The following KCNT2 variants were observed in gnomAD, a reference collection of about 807,000 sequenced individuals.
KCNT2 encodes the protein potassium sodium-activated channel subfamily T member 2.
A neutral mutation model predicts 153.8 loss-of-function variants in KCNT2; 67 were observed. The observed-to-expected ratio is 0.44, with a 90% CI of 0.36 to 0.53. The LOEUF (loss-of-function observed/expected upper bound fraction) is 0.53, where lower values mean the gene tolerates loss of function less well. Ranked by LOEUF, KCNT2 falls within the 20% of genes least tolerant of loss-of-function variation. KCNT2 has a pLI of 0.00. For synonymous variants in KCNT2, 500 were observed against 458.8 expected (o/e 1.09, Z -1.15); for missense variants, 975 against 1,354.8 (o/e 0.72, Z 4.40).
chr1:196,548,559 A>ACTGTAAACTAG (rs1657434283), intron 1 of KCNT2, among the ~76,000 whole-genome samples: 1 of 151,872 alleles, frequency 6.6e-6, no homozygotes, highest in Admixed American at 6.6e-5. Context: ...TGTTGGTGGG[A>ACTGTAAACTAG]CTGTAAACTA....
intron 4 of KCNT2, among the ~76,000 whole-genome samples, chr1:196,479,960 T>G (rs1390993761): frequency 6.6e-6 from 1 of 152,242 alleles, no homozygotes; most frequent in Non-Finnish European, 1.5e-5. Context: ...TACTTTCAGA[T>G]TTTATTTGAA....
chr1:196,285,097 C>T (rs1475064293), intron 23 of KCNT2, among the ~76,000 whole-genome samples: 1 of 152,154 alleles, frequency 6.6e-6, no homozygotes, highest in African/African-American at 2.4e-5. Context: ...ACAAACACCT[C>T]CACAAACCTC....
chr1:196,541,052 C>A (rs768648524), intron 1 of KCNT2, among the ~76,000 whole-genome samples: 1 of 151,244 alleles, frequency 6.6e-6, no homozygotes, highest in Non-Finnish European at 1.5e-5. Context: ...GGTGACAGAG[C>A]GAGAGTCCGT....
intron 1 of KCNT2, among the ~76,000 whole-genome samples, chr1:196,524,464 G>A (rs1185857927): frequency 2.0e-5 from 3 of 152,046 alleles, no homozygotes; most frequent in Admixed American, 1.3e-4. Flanking sequence ...CCACTAAAGA[G>A]GATGGCAAGT....
chr1:196,447,933 CA>C (rs1302364511), intron 8 of KCNT2, among the ~76,000 whole-genome samples: 1 of 150,078 alleles, frequency 6.7e-6, no homozygotes, highest in African/African-American at 2.4e-5. Flanking sequence ...TAACTCTTAC[CA>C]AAGGTCTGGA....
chr1:196,336,723 G>T (rs1332817566), intron 16 of KCNT2, among the ~76,000 whole-genome samples: 1 of 152,162 alleles, frequency 6.6e-6, no homozygotes, highest in Non-Finnish European at 1.5e-5. Flanking sequence ...CATTGCTAAA[G>T]TCAATTGACA....
At chr1:196,357,728 T>A (rs115505583) in intron 14 of KCNT2, among the ~76,000 whole-genome samples, 9 of 151,876 alleles carry the variant, frequency 5.9e-5, no homozygotes, top group African/African-American at 2.2e-4. Context: ...CCAAAGCTCC[T>A]TTATCTGGTT....
At chr1:196,238,310 A>T (rs1654626744) in intron 26 of KCNT2, among the ~76,000 whole-genome samples, 1 of 151,820 alleles carries the variant, frequency 6.6e-6, no homozygotes. Flanking sequence ...GGGAGATATG[A>T]TTTTTGTGCC....
At chr1:196,540,958 C>T (rs1428737894) in intron 1 of KCNT2, among the ~76,000 whole-genome samples, 1 of 151,582 alleles carries the variant, frequency 6.6e-6, no homozygotes, top group Non-Finnish European at 1.5e-5. Flanking sequence ...CCCAGCTACT[C>T]GGGAGGCTGA....
chr1:196,463,692 T>C lies in KCNT2; in HGVS notation c.638+1601A>G, dbSNP rs973111395. On this transcript the variant is annotated intron_variant, in intron 8 of 27. Transcript: ENST00000294725. ...AATAATTTCAATAATGAATACATTA[T>C]ATAGTGGAAATTTCATATAAATAAT... Among the ~76,000 whole-genome samples the C allele has an allele frequency of 2.0e-5, 3 of 151,950 alleles. No individual in the cohort carries two copies. The East Asian group carries it at 5.8e-4, about 29-fold the overall frequency.
chr1:196,280,875 T>C lies in KCNT2; in HGVS notation c.2895A>G (p.Lys965=). 6.2e-7 allele frequency: 1 copy of C among 1,612,350 alleles called. No individual in the cohort carries two copies. The highest frequency in any genetic ancestry group is 2.2e-5 in the East Asian group (1 of 44,814). The change falls in exon 25 of 28, where the codon AAA becomes AAG. Residue 965 remains lysine (K), a synonymous_variant. Coordinates refer to ENST00000294725, the MANE Select transcript of KCNT2 (RefSeq NM_198503.5). ...ATTTCCAAACCTCAGATGTAGTAAG[T>C]TTCTGAGACTCAGTCCTGTAGATTC... is the stretch of plus-strand genomic sequence containing the variant. The part of the protein sequence containing the change: ...PIGIYRTESQ[K]LTTSESQISI...
At chr1:196,568,088 A>C (rs537417662) in intron 1 of KCNT2, among the ~76,000 whole-genome samples, 57 of 152,294 alleles carry the variant, frequency 3.7e-4, no homozygotes, top group African/African-American at 1.3e-3. Context: ...CTCCATCTGC[A>C]TTTACCACAC....
At chr1:196,237,338 A>G (rs566421888) in intron 26 of KCNT2, among the ~76,000 whole-genome samples, 1 of 151,876 alleles carries the variant, frequency 6.6e-6, no homozygotes, top group East Asian at 1.9e-4. Flanking sequence ...GTGTAAAAAC[A>G]AAAATCCTTA....
At chr1:196,286,663 A>ACACACG (rs932874017) in intron 22 of KCNT2, among the ~76,000 whole-genome samples, 170 of 150,890 alleles carry the variant, frequency 1.1e-3, no homozygotes, top group African/African-American at 3.9e-3. Context: ...ACACACACAC[A>ACACACG]CGTTGTTTAT....
intron 1 of KCNT2, among the ~76,000 whole-genome samples, chr1:196,500,369 C>A (rs1327037510): frequency 6.7e-6 from 1 of 150,028 alleles, no homozygotes; most frequent in Non-Finnish European, 1.5e-5. Context: ...AGTGACTGGC[C>A]CAAATTCATA....
At chr1:196,360,942 A>T (rs969946074) in intron 14 of KCNT2, among the ~76,000 whole-genome samples, 1 of 152,112 alleles carries the variant, frequency 6.6e-6, no homozygotes, top group East Asian at 1.9e-4. Flanking sequence ...AGCAAGTATT[A>T]ACCATTATGT....
intron 1 of KCNT2, among the ~76,000 whole-genome samples, chr1:196,565,157 A>G (rs1419015207): frequency 1.3e-5 from 2 of 151,846 alleles, no homozygotes; most frequent in African/African-American, 4.8e-5. Context: ...TTTCTCAAAG[A>G]AAAACATATA....
At chr1:196,251,616 G>T (rs1655979182) in intron 26 of KCNT2, among the ~76,000 whole-genome samples, 1 of 151,912 alleles carries the variant, frequency 6.6e-6, no homozygotes, top group African/African-American at 2.4e-5. Context: ...AATGGTAGTG[G>T]GGATGGGAGA....
chr1:196,293,041 ATACT>A (rs1023349904), intron 22 of KCNT2, among the ~76,000 whole-genome samples: 1 of 152,022 alleles, frequency 6.6e-6, no homozygotes, highest in African/African-American at 2.4e-5. Context: ...TAAAAAAAAA[ATACT>A]TAAGAATAAA....
Sources: gnomAD v4.1 joint callset for allele counts (sites outside exome capture counted in the v4.1 genomes callset) on GRCh38, gnomAD v4.1.1 for gene constraint, MANE v1.5 for transcripts, NCBI Gene and HGNC (gene_info 2026-07-23, HGNC 2026-07-21) for gene names.